CTNNA3: variants seen among roughly 807,000 people sequenced by gnomAD.
CTNNA3 encodes the protein catenin alpha-3.
Under a neutral mutation model 95.7 loss-of-function variants are expected in CTNNA3, and 76 were observed. The observed-to-expected ratio is 0.79, with a 90% CI of 0.66 to 0.96. The LOEUF is 0.96. Among genes scored for constraint, CTNNA3 ranks in the 40% least tolerant of loss-of-function variants. The pLI is 0.00. For synonymous variants in CTNNA3, 431 were observed against 374.4 expected (o/e 1.15, Z -1.74); for missense variants, 1,191 against 1,089.8 (o/e 1.09, Z -1.31).
chr10:66,976,964 G>A (rs941225630), intron 7 of CTNNA3, among the ~76,000 whole-genome samples: 7 of 152,104 alleles, frequency 4.6e-5, no homozygotes, highest in Non-Finnish European at 8.8e-5. Context: ...TAGTATGGGC[G>A]AGTTTATTGG....
intron 9 of CTNNA3, among the ~76,000 whole-genome samples, chr10:66,696,601 C>T (rs1847773859): frequency 6.6e-6 from 1 of 152,072 alleles, no homozygotes; most frequent in Non-Finnish European, 1.5e-5. Context: ...AAAAATATTG[C>T]TAATTCCAGT....
intron 3 of CTNNA3, among the ~76,000 whole-genome samples, chr10:67,558,008 A>G (rs1365729420): frequency 1.3e-5 from 2 of 152,232 alleles, no homozygotes; most frequent in Non-Finnish European, 2.9e-5. Context: ...TTTCACAGGT[A>G]TGCATCTTTT....
chr10:66,194,161 G>C (rs751920098), intron 13 of CTNNA3, among the ~76,000 whole-genome samples: 1 of 152,130 alleles, frequency 6.6e-6, no homozygotes, highest in Admixed American at 6.6e-5. Context: ...TGACCTGGGA[G>C]ACACTTTTTA....
intron 7 of CTNNA3, among the ~76,000 whole-genome samples, chr10:66,994,466 C>A (rs1851217721): frequency 6.6e-6 from 1 of 152,134 alleles, no homozygotes; most frequent in Non-Finnish European, 1.5e-5. Flanking sequence ...CCCTCAATTA[C>A]CAAATATCTG....
chr10:65,932,148 TTC>T (rs908802608), intron 17 of CTNNA3, among the ~76,000 whole-genome samples: 3 of 152,136 alleles, frequency 2.0e-5, no homozygotes, highest in African/African-American at 7.2e-5. Context: ...AACAAATTCT[TTC>T]TCTCTCTGAG....
chr10:66,933,433 G>A (rs779568188), intron 7 of CTNNA3, among the ~76,000 whole-genome samples: 2 of 152,142 alleles, frequency 1.3e-5, no homozygotes, highest in African/African-American at 2.4e-5. Flanking sequence ...CAATCAGGAC[G>A]TTTACCTGTC....
chr10:66,310,096 C>T (rs1038426810), intron 12 of CTNNA3, among the ~76,000 whole-genome samples: 3 of 150,156 alleles, frequency 2.0e-5, no homozygotes, highest in Admixed American at 6.7e-5. Flanking sequence ...CCAGCCTGGG[C>T]GACAGGGTGA....
chr10:66,131,772 G>A (rs912191479), intron 13 of CTNNA3, among the ~76,000 whole-genome samples: 3 of 152,052 alleles, frequency 2.0e-5, no homozygotes, highest in East Asian at 1.9e-4. Flanking sequence ...TCTGATCTTC[G>A]ACAAAGTTGA....
chr10:67,102,347 A>ACACAC (rs1858389889), intron 7 of CTNNA3, among the ~76,000 whole-genome samples: 2 of 150,996 alleles, frequency 1.3e-5, no homozygotes, highest in African/African-American at 4.9e-5. Flanking sequence ...AAACCAAGCA[A>ACACAC]ACACACACAC....
At chr10:67,694,178 A>C (rs894704277) in intron 1 of CTNNA3, among the ~76,000 whole-genome samples, 1 of 152,174 alleles carries the variant, frequency 6.6e-6, no homozygotes, top group Non-Finnish European at 1.5e-5. Context: ...CAACAATACT[A>C]TCTATCGGTT....
At chr10:66,750,689 T>C (rs1355876505) in intron 9 of CTNNA3, among the ~76,000 whole-genome samples, 3 of 152,206 alleles carry the variant, frequency 2.0e-5, no homozygotes. Flanking sequence ...TTGAGTTGGC[T>C]ATTCTGTGTC....
At chr10:66,813,702 G>C (rs1284081366) in intron 7 of CTNNA3, among the ~76,000 whole-genome samples, 2 of 152,126 alleles carry the variant, frequency 1.3e-5, no homozygotes, top group East Asian at 3.9e-4. Flanking sequence ...TGCCCTTGAA[G>C]GGATCATAGT....
intron 7 of CTNNA3, among the ~76,000 whole-genome samples, chr10:66,796,910 A>T (rs1397533646): frequency 6.6e-6 from 1 of 152,078 alleles, no homozygotes; most frequent in African/African-American, 2.4e-5. Flanking sequence ...TTAGCCTAGT[A>T]CACACATGTT....
chr10:67,006,534 T>C (rs1852001425), intron 7 of CTNNA3, among the ~76,000 whole-genome samples: 1 of 107,568 alleles, frequency 9.3e-6, no homozygotes, highest in Non-Finnish European at 2.2e-5. Flanking sequence ...CCCCAGATGT[T>C]TTCTATTCTC....
At chr10:67,275,743 C>T (rs1839161631) in intron 5 of CTNNA3, among the ~76,000 whole-genome samples, 1 of 152,130 alleles carries the variant, frequency 6.6e-6, no homozygotes, top group African/African-American at 2.4e-5. Context: ...GTCCTAAGAA[C>T]TATCTTCTGT....
intron 10 of CTNNA3, among the ~76,000 whole-genome samples, chr10:66,563,514 C>T (rs1234653740): frequency 6.6e-6 from 1 of 152,062 alleles, no homozygotes; most frequent in African/African-American, 2.4e-5. Flanking sequence ...TACATAATCT[C>T]TTTGCTAGTT....
intron 9 of CTNNA3, among the ~76,000 whole-genome samples, chr10:66,684,763 T>C (rs1847188844): frequency 6.6e-6 from 1 of 152,094 alleles, no homozygotes; most frequent in South Asian, 2.1e-4. Context: ...AAGATAAAAT[T>C]AAAAACACGT....
chr10:66,176,159 T>G (rs2085701054), intron 13 of CTNNA3, among the ~76,000 whole-genome samples: 2 of 152,156 alleles, frequency 1.3e-5, no homozygotes, highest in African/African-American at 4.8e-5. Flanking sequence ...TCTGTGTGCA[T>G]GTGTGCACAC....
At position 67,641,021 on chromosome 10, in the gene CTNNA3, A is replaced by C. The variant is rs565048163; in HGVS notation, c.99+6394T>G. ...TTGACAAATGGGATCTAATTAAACTAAAGAGCTTCCGCACAGCAAAAGAAA... is the reference window on the plus strand; with the variant it reads ...TTGACAAATGGGATCTAATTAAACTCAAGAGCTTCCGCACAGCAAAAGAAA... On this transcript the variant is annotated intron_variant, in intron 2 of 17. Coordinates refer to ENST00000433211, the MANE Select transcript of CTNNA3 (RefSeq NM_013266.4). Among the ~76,000 whole-genome samples the C allele has an allele frequency of 2.2e-4, 34 of 152,276 alleles. No individual in the cohort carries two copies. In the East Asian group the frequency reaches 3.3e-3, roughly 15 times the overall value.
Sources: allele counts gnomAD v4.1 joint callset (sites outside exome capture counted in the v4.1 genomes callset), GRCh38; gene constraint gnomAD v4.1.1; transcripts MANE v1.5; gene names NCBI Gene and HGNC (gene_info 2026-07-23, HGNC 2026-07-21).